TMEM200A: variants seen among roughly 807,000 people sequenced by gnomAD.
The protein encoded by TMEM200A is two transmembrane C.
In TMEM200A, 12 loss-of-function variants were observed where a neutral mutation model predicts 24.3. The ratio of observed to expected loss-of-function variants is 0.49; its 90% CI spans 0.32 to 0.80. The LOEUF is 0.80. Ranked by LOEUF, TMEM200A falls within the 30% of genes least tolerant of loss-of-function variation. The pLI is 0.04. For synonymous variants in TMEM200A, 224 were observed against 224.4 expected (o/e 1.00, Z 0.02); for missense variants, 545 against 614.4 (o/e 0.89, Z 1.19).
chr6:130,419,119 C>G (rs984307375), intron 2 of TMEM200A, among the ~76,000 whole-genome samples: 5 of 152,162 alleles, frequency 3.3e-5, no homozygotes, highest in Non-Finnish European at 7.4e-5. Flanking sequence ...TAGTCTCTAC[C>G]TCTGTGAGAT....
chr6:130,440,861 C>A lies in TMEM200A; in HGVS notation c.439C>A (p.Leu147Ile). ...IFIFICANAILHENRDKETKI... is the reference protein window; with the variant it reads ...IFIFICANAIIHENRDKETKI... ...CATTTTCATTTGTGCTAATGCCATT[C>A]TTCATGAAAACCGTGACAAAGAGAC... The change falls in exon 3 of 3, where the codon CTT becomes ATT. Residue 147 changes from leucine (L) to isoleucine (I), a missense_variant. By Grantham distance (5) the Leu-to-Ile change is conservative (BLOSUM62 2). Transcript: ENST00000296978. 1 of 1,614,048 alleles carries A rather than the reference C, an allele frequency of 6.2e-7. No individual in the cohort carries two copies. Among genetic ancestry groups the A allele is most frequent in the Non-Finnish European group, 8.5e-7 (1 of 1,179,984 alleles).
At chr6:130,436,428 A>C (rs1013076594) in intron 2 of TMEM200A, among the ~76,000 whole-genome samples, 1 of 131,488 alleles carries the variant, frequency 7.6e-6, no homozygotes, top group Middle Eastern at 3.7e-3. Context: ...AAAACAAAAC[A>C]AAAAAAAACA....
intron 1 of TMEM200A, among the ~76,000 whole-genome samples, chr6:130,382,743 T>G (rs2115092514): frequency 6.6e-6 from 1 of 152,226 alleles, no homozygotes; most frequent in Middle Eastern, 3.4e-3. Flanking sequence ...CCATTTCAGC[T>G]CTGTTGATGG....
intron 2 of TMEM200A, among the ~76,000 whole-genome samples, chr6:130,390,907 T>A (rs2115108342): frequency 6.6e-6 from 1 of 152,342 alleles, no homozygotes; most frequent in African/African-American, 2.4e-5. Flanking sequence ...TTGGACTGAA[T>A]AACTTTTATG....
chr6:130,414,994 C>CAG (rs1212230846), intron 2 of TMEM200A, among the ~76,000 whole-genome samples: 2 of 152,158 alleles, frequency 1.3e-5, no homozygotes, highest in Non-Finnish European at 2.9e-5. Context: ...AAGGAAGAGT[C>CAG]AGAGGCTCCT....
chr6:130,431,623 G>A (rs1327833947), intron 2 of TMEM200A, among the ~76,000 whole-genome samples: 1 of 152,148 alleles, frequency 6.6e-6, no homozygotes, highest in Non-Finnish European at 1.5e-5. Flanking sequence ...ATCTCCCACA[G>A]GGTCTCAGCA....
intron 2 of TMEM200A, among the ~76,000 whole-genome samples, chr6:130,418,170 G>C (rs1779502214): frequency 6.6e-6 from 1 of 152,010 alleles, no homozygotes; most frequent in Admixed American, 6.6e-5. Flanking sequence ...CTTAAGGAAA[G>C]ACTGGCTTTT....
chr6:130,365,892 C>G (rs560554464), upstream of TMEM200A: 1 of 985,336 alleles, frequency 1.0e-6, no homozygotes, highest in Admixed American at 6.1e-5. Context: ...GGTTTTGGGG[C>G]GGCGGCGAGA....
At chr6:130,385,097 C>G (rs1778682624) in intron 1 of TMEM200A, 76 bp from the exon 2 acceptor site, 1 of 152,178 alleles carries the variant, frequency 6.6e-6, no homozygotes, top group African/African-American at 2.4e-5. Context: ...GATTTGTTGA[C>G]ATTATGCTTC....
In TMEM200A at chr6:130,441,336, T is replaced by C. The variant is rs376765904; in HGVS notation, c.914T>C (p.Ile305Thr). Residue 305 changes from isoleucine (I) to threonine (T), a missense_variant, in exon 3 of 3, where the codon ATA (isoleucine) becomes ACA (threonine). By Grantham distance (89) the Ile-to-Thr change is moderately conservative. Transcript: ENST00000296978. Reference protein sequence around the residue: ...LNNCVIDEPSIDNITEDADNL... With the variant: ...LNNCVIDEPSTDNITEDADNL... ...AACTGTGTTATTGATGAGCCCAGTA[T>C]AGATAACATCACTGAAGATGCTGAC... The C allele has an allele frequency of 3.8e-5, 61 of 1,614,018 alleles. No individual in the cohort carries two copies. The highest frequency in any genetic ancestry group is 5.2e-5 in the Non-Finnish European group (61 of 1,180,010).
Position 130,382,780 on chromosome 6 carries a change from C to T in TMEM200A, c.-80-2393C>T, listed in dbSNP as rs190516498. 2.0e-5 allele frequency among the ~76,000 whole-genome samples: 3 copies of T among 152,238 alleles called. No individual in the cohort carries two copies. The East Asian group carries it at 5.8e-4, about 29-fold the overall frequency. On this transcript the variant is annotated intron_variant, in intron 1 of 2. Coordinates refer to ENST00000296978, the MANE Select transcript of TMEM200A (RefSeq NM_001258277.2). ...GAATTGAGTGCTTGATTTTTGGAGACTAGTGGATGGATTCAGGGTAATGAC... is the reference window on the plus strand; with the variant it reads ...GAATTGAGTGCTTGATTTTTGGAGATTAGTGGATGGATTCAGGGTAATGAC...
chr6:130,439,443 G>A (rs1324238271), intron 2 of TMEM200A: 1 of 152,262 alleles, frequency 6.6e-6, no homozygotes, highest in African/African-American at 2.4e-5. Flanking sequence ...AAAAAAGTCA[G>A]ACAAGTCAAG....
At position 130,368,927 on chromosome 6, in the gene TMEM200A, C is replaced by T. The variant is rs888079575; in HGVS notation, c.-81+2403C>T. On this transcript the variant is annotated intron_variant, in intron 1 of 2. Coordinates refer to ENST00000296978, the MANE Select transcript of TMEM200A (RefSeq NM_001258277.2). Reference sequence around the variant, plus strand: ...CTGCAGAATGAGGGCTTTGGACTGACGATCTTTATGGTCTCTCTTTAAAAT... The same window carrying T: ...CTGCAGAATGAGGGCTTTGGACTGATGATCTTTATGGTCTCTCTTTAAAAT... Among the ~76,000 whole-genome samples the T allele has an allele frequency of 2.0e-4, 30 of 152,244 alleles. No homozygotes were observed. The East Asian group carries it at 2.1e-3, about 11-fold the overall frequency.
chr6:130,378,133 C>T (rs1271002868), intron 1 of TMEM200A, among the ~76,000 whole-genome samples: 2 of 151,956 alleles, frequency 1.3e-5, no homozygotes, highest in South Asian at 2.1e-4. Flanking sequence ...AGGGTGTTGG[C>T]GTCACAAGGA....
chr6:130,435,784 T>C (rs1767516897), intron 2 of TMEM200A, among the ~76,000 whole-genome samples: 2 of 152,170 alleles, frequency 1.3e-5, no homozygotes, highest in South Asian at 4.2e-4. Context: ...ACTTGAATCT[T>C]TGAGGGAATA....
chr6:130,417,886 A>G (rs971185881), intron 2 of TMEM200A, among the ~76,000 whole-genome samples: 1 of 152,116 alleles, frequency 6.6e-6, no homozygotes, highest in African/African-American at 2.4e-5. Flanking sequence ...ATGTATACTC[A>G]AAGTCTTCAC....
intron 1 of TMEM200A, among the ~76,000 whole-genome samples, chr6:130,372,149 C>T (rs1333785500): frequency 6.6e-6 from 1 of 152,174 alleles, no homozygotes; most frequent in African/African-American, 2.4e-5. Context: ...AGACCTCTTC[C>T]TGGATCTTCA....
rs779716936 is a variant in TMEM200A, at chr6:130,441,450, C to A, written c.1028C>A (p.Thr343Lys). 1 of 1,614,094 alleles carries A rather than the reference C, an allele frequency of 6.2e-7. No homozygotes were observed. Residue 343 changes from threonine (T) to lysine (K), a missense_variant, in exon 3 of 3, where the codon ACA (threonine) becomes AAA (lysine). Physicochemically the swap from Thr to Lys is moderately conservative, Grantham distance 78 (BLOSUM62 -1). Coordinates refer to ENST00000296978, the MANE Select transcript of TMEM200A (RefSeq NM_001258277.2). ...NTSESFQPVSTVLPRNNSIGE... is the reference protein window; with the variant it reads ...NTSESFQPVSKVLPRNNSIGE... ...AGTGAATCCTTCCAGCCCGTCAGCA[C>A]AGTGCTACCAAGGAATAATTCCATT... is the stretch of plus-strand genomic sequence containing the variant.
rs921423650 is a variant in TMEM200A, at chr6:130,366,591, G to C, written c.-81+67G>C. 3.0e-6 allele frequency: 3 copies of C among 985,580 alleles called. No individual in the cohort carries two copies. Among genetic ancestry groups the C allele is most frequent in the African/African-American group, 1.7e-5 (1 of 57,240 alleles). The allele number at this position is 985,580 out of a possible 1,614,324, so 61.1% of individuals were successfully genotyped here. On this transcript the variant is annotated intron_variant, in intron 1 of 2. Transcript: ENST00000296978. The surrounding 1 kb of genome is among the most constrained non-coding windows in gnomAD (Gnocchi z 4.4). The stretch of plus-strand genomic sequence containing the variant: ...GTGGGCGGCCACCGCAGCCGAAACC[G>C]GGCACTTCTTCAGCCCTCTGCCCTC...
Sources: gnomAD v4.1 joint callset for allele counts (sites outside exome capture counted in the v4.1 genomes callset) on GRCh38, gnomAD v4.1.1 for gene constraint, Gnocchi (gnomAD v3.1) non-coding constraint, MANE v1.5 for transcripts, NCBI Gene and HGNC (gene_info 2026-07-23, HGNC 2026-07-21) for gene names.